The following NEK9 variants were observed in gnomAD, a reference collection of about 807,000 sequenced individuals.
NEK9 encodes the protein serine/threonine-protein kinase Nek9.
In NEK9, 75 loss-of-function variants were observed where a neutral mutation model predicts 123.4. The observed-to-expected ratio is 0.61, with a 90% CI of 0.50 to 0.74. NEK9 has a LOEUF of 0.74. Ranked by LOEUF, NEK9 falls within the 30% of genes least tolerant of loss-of-function variation. The pLI is 0.00. For missense variants in NEK9, 952 were observed against 1,214.4 expected (o/e 0.78, Z 3.21); for synonymous variants, 438 against 458.7 (o/e 0.95, Z 0.58).
At chr14:75,115,148 C>G (rs1895099594) in intron 6 of NEK9, among the ~76,000 whole-genome samples, 1 of 152,166 alleles carries the variant, frequency 6.6e-6, no homozygotes, top group South Asian at 2.1e-4. Context: ...CAGAGTCTCA[C>G]TCTGTCACCC....
Position 75,084,420 on chromosome 14 carries a change from TA to T in NEK9, c.*143del. The T allele has an allele frequency of 1.1e-6, 1 of 918,304 alleles. No individual in the cohort carries two copies. The highest frequency in any genetic ancestry group is 2.2e-5 in the Admixed American group (1 of 44,458). 56.9% of individuals were successfully genotyped at this position (918,304 alleles called of 1,614,324 possible). The stretch of plus-strand genomic sequence containing the variant: ...AAAAGGCAATGCCACTCTCCAAATG[TA>T]CAAGGAAAGTGCTTCAGAGCCTCTG... On this transcript the variant is annotated 3_prime_UTR_variant, in exon 22 of 22. Transcript: ENST00000238616.
In NEK9 at chr14:75,084,189, C is replaced by A; in HGVS notation, c.*375G>T. The stretch of plus-strand genomic sequence containing the variant: ...AATGCCTGGTACTGAATTCCCAAGG[C>A]AGCTTCCAATCAATGGTGAAAATGA... On this transcript the variant is annotated 3_prime_UTR_variant, in exon 22 of 22. Coordinates refer to ENST00000238616, the MANE Select transcript of NEK9 (RefSeq NM_033116.6). 1 of 200,832 alleles carries A rather than the reference C, an allele frequency of 5.0e-6. No homozygotes were observed. The highest frequency in any genetic ancestry group is 1.0e-5 in the Non-Finnish European group (1 of 95,834). The allele number at this position is 200,832 out of a possible 1,614,324, so 12.4% of individuals were successfully genotyped here.
chr14:75,101,833 T>C, intron 14 of NEK9, 68 bp from the exon 15 acceptor site: 2 of 1,171,346 alleles, frequency 1.7e-6, no homozygotes, highest in Non-Finnish European at 1.3e-6. Flanking sequence ...AGGCTGAGAA[T>C]GGAAAAAAGT....
chr14:75,088,400 A>C, intron 20 of NEK9, 80 bp downstream of exon 20: 1 of 1,442,822 alleles, frequency 6.9e-7, no homozygotes, highest in Admixed American at 2.0e-5. Context: ...CCCAAAAGCT[A>C]GAGCGAGGCC....
chr14:75,112,562 G>C (rs1250571943), intron 8 of NEK9, among the ~76,000 whole-genome samples: 1 of 152,206 alleles, frequency 6.6e-6, no homozygotes, highest in Non-Finnish European at 1.5e-5. Flanking sequence ...AGTGTCTCAT[G>C]CCTGTAATCC....
At chr14:75,113,140 A>C (rs972147902) in intron 8 of NEK9, among the ~76,000 whole-genome samples, 199 bp downstream of exon 8, 4 of 152,214 alleles carry the variant, frequency 2.6e-5, no homozygotes, top group African/African-American at 9.6e-5. Flanking sequence ...TCATTAGTAC[A>C]AATTTACAAC....
At chr14:75,126,241 T>A (rs889016780) in intron 1 of NEK9, among the ~76,000 whole-genome samples, 5 of 151,510 alleles carry the variant, frequency 3.3e-5, no homozygotes, top group African/African-American at 7.3e-5. Flanking sequence ...AATAACGGAG[T>A]TGCCACGGGT....
intron 21 of NEK9, 75 bp from the exon 22 acceptor site, chr14:75,084,761 C>G: frequency 6.3e-7 from 1 of 1,587,146 alleles, no homozygotes; most frequent in South Asian, 1.1e-5. Flanking sequence ...ACTATATTTT[C>G]AATGCCAACT....
chr14:75,086,029 A>G (rs1894011488), intron 21 of NEK9, among the ~76,000 whole-genome samples: 1 of 151,712 alleles, frequency 6.6e-6, no homozygotes, highest in Non-Finnish European at 1.5e-5. Context: ...TCTCTACTAA[A>G]AATACAAAAA....
chr14:75,111,509 C>T (rs1894957614), intron 8 of NEK9, among the ~76,000 whole-genome samples: 1 of 152,160 alleles, frequency 6.6e-6, no homozygotes, highest in South Asian at 2.1e-4. Flanking sequence ...TACAAAGTTC[C>T]AACAAAGTAT....
chr14:75,110,521 A>T (rs1894926929), intron 8 of NEK9, 150 bp from the exon 9 acceptor site: 1 of 614,170 alleles, frequency 1.6e-6, no homozygotes, highest in East Asian at 2.8e-5. Context: ...ACCTCAATAC[A>T]ACTCAAAACA....
At position 75,124,032 on chromosome 14, in the gene NEK9, G is replaced by A; in HGVS notation, c.397+14C>T. The A allele has an allele frequency of 6.3e-7, 1 of 1,598,284 alleles. No individual in the cohort carries two copies. The highest frequency in any genetic ancestry group is 1.1e-5 in the South Asian group (1 of 90,316). ...AAAGTCTTGCTGGAAAAGTCCCACT[G>A]AACTCTATCTTACCATTACAATATT... On this transcript the variant is annotated intron_variant, in intron 2 of 21. Coordinates refer to ENST00000238616, the MANE Select transcript of NEK9 (RefSeq NM_033116.6).
rs1484281610 is a variant in NEK9, at chr14:75,082,350, C to T, written c.*2214G>A. On this transcript the variant is annotated 3_prime_UTR_variant, in exon 22 of 22. Transcript: ENST00000238616. Reference sequence around the variant, plus strand: ...TTTAAAGAGAATTAGCTACAGAAAACCATTCAAAGGCATTTCTACTGCCTC... The same window carrying T: ...TTTAAAGAGAATTAGCTACAGAAAATCATTCAAAGGCATTTCTACTGCCTC... 2 of 152,130 alleles carry T rather than the reference C, an allele frequency of 1.3e-5. No homozygotes were observed. The highest frequency in any genetic ancestry group is 2.9e-5 in the Non-Finnish European group (2 of 68,026). The allele number at this position is 152,130 out of a possible 1,614,324, so 9.4% of individuals were successfully genotyped here. A position where few individuals can be genotyped will look rare whatever the true frequency, so the allele number is the denominator to read the frequency against.
Position 75,117,323 on chromosome 14 carries a change from C to A in NEK9, c.634G>T (p.Val212Leu). ...NSEYSMAETLVGTPYYMSPEL... is the reference protein window; with the variant it reads ...NSEYSMAETLLGTPYYMSPEL... ...GGAGACATGTAATATGGGGTTCCCA[C>A]AAGCTGAGCAACAAAGAAACAATCA... The change falls in exon 6 of 22, where the codon GTG becomes TTG. Residue 212 changes from valine (V) to leucine (L), a missense_variant. Val to Leu is a conservative substitution (Grantham distance 32, BLOSUM62 1). Coordinates refer to ENST00000238616, the MANE Select transcript of NEK9 (RefSeq NM_033116.6). 3 of 1,601,810 alleles carry A rather than the reference C, an allele frequency of 1.9e-6. No homozygotes were observed. The highest frequency in any genetic ancestry group is 2.5e-6 in the Non-Finnish European group (3 of 1,176,690).
Position 75,080,544 on chromosome 14 carries a change from T to C in NEK9, c.*4020A>G, listed in dbSNP as rs1000406053. The C allele has an allele frequency of 1.3e-5, 2 of 152,168 alleles. No individual in the cohort carries two copies. The highest frequency in any genetic ancestry group is 2.9e-5 in the Non-Finnish European group (2 of 68,034). The allele number at this position is 152,168 out of a possible 1,614,324, so 9.4% of individuals were successfully genotyped here. ...TTTAGTGCAAGTAAACATTATAAAGTTCATAAGGTTACACCATAGGAGAAA... is the reference window on the plus strand; with the variant it reads ...TTTAGTGCAAGTAAACATTATAAAGCTCATAAGGTTACACCATAGGAGAAA... On this transcript the variant is annotated 3_prime_UTR_variant, in exon 22 of 22. Transcript: ENST00000238616.
At chr14:75,104,381 G>T (rs1894699951) in intron 13 of NEK9, among the ~76,000 whole-genome samples, 1 of 152,028 alleles carries the variant, frequency 6.6e-6, no homozygotes, top group Admixed American at 6.6e-5. Context: ...GGCCAGGCTG[G>T]TCTCGAACTC....
rs781291504 is a variant in NEK9, at chr14:75,087,191, C to T, written c.2644G>A (p.Gly882Arg). 1.2e-6 allele frequency: 2 copies of T among 1,614,106 alleles called. No individual in the cohort carries two copies. Among genetic ancestry groups the T allele is most frequent in the Non-Finnish European group, 1.7e-6 (2 of 1,179,982 alleles). Reference sequence around the variant, plus strand: ...CACGCAGGAGGAGTCAGTGGTGTTCCCTTCCCAGCACAGGTTACTGCAGGA... The same window carrying T: ...CACGCAGGAGGAGTCAGTGGTGTTCTCTTCCCAGCACAGGTTACTGCAGGA... ...LNPAVTCAGK[G>R]TPLTPPACAC... The change falls in exon 21 of 22, where the codon GGA (glycine) becomes AGA (arginine). Residue 882 changes from glycine to arginine, a missense_variant. By Grantham distance (125) the Gly-to-Arg change is moderately radical (BLOSUM62 -2). Transcript: ENST00000238616.
At chr14:75,123,856 G>C (rs1189641139) in intron 2 of NEK9, among the ~76,000 whole-genome samples, 190 bp downstream of exon 2, 3 of 152,098 alleles carry the variant, frequency 2.0e-5, no homozygotes, top group Non-Finnish European at 4.4e-5. Context: ...GGGTATGCAG[G>C]GGAAAATCCC....
intron 7 of NEK9, among the ~76,000 whole-genome samples, chr14:75,113,719 T>C (rs1895035352): frequency 6.6e-6 from 1 of 152,190 alleles, no homozygotes; most frequent in South Asian, 2.1e-4. Flanking sequence ...AGATTCTGAT[T>C]GAGTTCGTCT....
Sources: gnomAD v4.1 joint callset for allele counts (sites outside exome capture counted in the v4.1 genomes callset) on GRCh38, gnomAD v4.1.1 for gene constraint, MANE v1.5 for transcripts, NCBI Gene and HGNC (gene_info 2026-07-23, HGNC 2026-07-21) for gene names.